Variants in ZNF678 observed in about 807,000 individuals in gnomAD.
ZNF678 encodes zinc finger protein 678.
Under a neutral mutation model 3.0 loss-of-function variants are expected in ZNF678, and 5 were observed. That is an observed-to-expected ratio of 1.69 (90% CI 0.88 to 3.56). The LOEUF (loss-of-function observed/expected upper bound fraction) is 3.56. ZNF678 is among the 30% of genes most tolerant of loss of function. The pLI, the probability that ZNF678 is intolerant of heterozygous loss-of-function variation, is 0.00. For synonymous variants in ZNF678, 218 were observed against 199.6 expected (o/e 1.09, Z -0.78); for missense variants, 593 against 605.0 (o/e 0.98, Z 0.21).
At chr1:227,676,852 C>G (rs373843018) in intron 5 of ZNF678, among the ~76,000 whole-genome samples, 34 of 152,206 alleles carry the variant, frequency 2.2e-4, no homozygotes, top group African/African-American at 7.9e-4. Flanking sequence ...GACATGAACT[C>G]ATCATTTTTT....
At chr1:227,642,231 C>A (rs1658839469) in intron 1 of ZNF678, among the ~76,000 whole-genome samples, 1 of 152,202 alleles carries the variant, frequency 6.6e-6, no homozygotes, top group Admixed American at 6.5e-5. Flanking sequence ...TGTGAGACAT[C>A]AACATAGACT....
intron 1 of ZNF678, among the ~76,000 whole-genome samples, chr1:227,570,371 A>G (rs12025815): frequency 0.52 from 79,452 of 152,152 alleles, 22,004 homozygotes; most frequent in Non-Finnish European, 0.62. Context: ...TTCTGTTACT[A>G]TGAAAAGTGG....
intron 5 of ZNF678, among the ~76,000 whole-genome samples, chr1:227,671,163 A>G (rs77388015): frequency 0.025 from 3,832 of 150,784 alleles, 168 homozygotes; most frequent in African/African-American, 0.089. Flanking sequence ...TGGAGCCTCA[A>G]ACTCCTGGGC....
chr1:227,677,871 G>A (rs1240977533), downstream of ZNF678, among the ~76,000 whole-genome samples: 1 of 152,110 alleles, frequency 6.6e-6, no homozygotes, highest in African/African-American at 2.4e-5. Context: ...TCTGTCCAAG[G>A]GCTCCCTGCC....
downstream of ZNF678, among the ~76,000 whole-genome samples, chr1:227,665,444 TG>T (rs561647219): frequency 1.1e-3 from 163 of 152,268 alleles, 2 homozygotes; most frequent in South Asian, 0.032. Flanking sequence ...ACAAAGACAA[TG>T]GGATATCACT....
At chr1:227,676,791 G>A (rs527290577) in intron 5 of ZNF678, among the ~76,000 whole-genome samples, 82 of 151,610 alleles carry the variant, frequency 5.4e-4, no homozygotes, top group African/African-American at 1.5e-3. Flanking sequence ...CTGTCCTTGC[G>A]ATAGTTTGCT....
intron 1 of ZNF678, among the ~76,000 whole-genome samples, chr1:227,568,502 A>G (rs951853979): frequency 1.3e-5 from 2 of 152,194 alleles, no homozygotes; most frequent in Admixed American, 6.5e-5. Flanking sequence ...AATTTCTTCA[A>G]TCACATGCAT....
At chr1:227,648,486 A>G (rs1459332780) in intron 2 of ZNF678, among the ~76,000 whole-genome samples, 2 of 152,208 alleles carry the variant, frequency 1.3e-5, no homozygotes, top group Non-Finnish European at 2.9e-5. Context: ...TTAAGCATAC[A>G]AGACATTATT....
chr1:227,585,913 A>T (rs1041222800), intron 1 of ZNF678, among the ~76,000 whole-genome samples: 2 of 152,240 alleles, frequency 1.3e-5, no homozygotes, highest in South Asian at 4.1e-4. Flanking sequence ...AACAGAAATG[A>T]TCACTAAATA....
In ZNF678 at chr1:227,654,839, A is replaced by G. The variant is rs760141090; in HGVS notation, c.589A>G (p.Thr197Ala). Reference sequence around the variant, plus strand: ...AGTTTTTAATTGGTGGTCACAACTAACTAGCCATAAGAAAATTCATAGTGG... The same window carrying G: ...AGTTTTTAATTGGTGGTCACAACTAGCTAGCCATAAGAAAATTCATAGTGG... ...DKVFNWWSQLTSHKKIHSGEK... is the reference protein window; with the variant it reads ...DKVFNWWSQLASHKKIHSGEK... The change falls in exon 4 of 4, where the codon ACT (threonine) becomes GCT (alanine). Residue 197 changes from threonine to alanine, a missense_variant. Physicochemically the swap from Thr to Ala is moderately conservative, Grantham distance 58. Coordinates refer to ENST00000343776, the MANE Select transcript of ZNF678 (RefSeq NM_001367909.1). 6.2e-7 allele frequency: 1 copy of G among 1,608,954 alleles called. No homozygotes were observed. The highest frequency in any genetic ancestry group is 8.5e-7 in the Non-Finnish European group (1 of 1,179,072).
intron 1 of ZNF678, among the ~76,000 whole-genome samples, chr1:227,640,135 G>A (rs183500049): frequency 3.9e-5 from 6 of 152,264 alleles, no homozygotes; most frequent in African/African-American, 1.4e-4. Flanking sequence ...GGGGGAAAGG[G>A]GATTGAGTTA....
chr1:227,678,253 T>A (rs977229281), downstream of ZNF678, among the ~76,000 whole-genome samples: 3 of 152,202 alleles, frequency 2.0e-5, no homozygotes, highest in Non-Finnish European at 4.4e-5. Flanking sequence ...TGGGATGACC[T>A]TGGGCACAGG....
At chr1:227,676,596 T>A (rs1659684725) in intron 5 of ZNF678, among the ~76,000 whole-genome samples, 1 of 152,148 alleles carries the variant, frequency 6.6e-6, no homozygotes, top group East Asian at 1.9e-4. Flanking sequence ...TATGTATACA[T>A]GTGCCATGTT....
chr1:227,594,753 T>G (rs969254678), intron 1 of ZNF678, among the ~76,000 whole-genome samples: 5 of 152,232 alleles, frequency 3.3e-5, no homozygotes, highest in African/African-American at 1.2e-4. Context: ...ACTTTCTGAC[T>G]TATTACAAAT....
At chr1:227,571,055 G>A (rs1656828297) in intron 1 of ZNF678, among the ~76,000 whole-genome samples, 1 of 152,088 alleles carries the variant, frequency 6.6e-6, no homozygotes, top group African/African-American at 2.4e-5. Flanking sequence ...ATTTAGAAAT[G>A]TGAGGCTATT....
At chr1:227,646,772 GT>G (rs1193772376) in intron 2 of ZNF678, 102 bp downstream of exon 2, 10 of 1,072,240 alleles carry the variant, frequency 9.3e-6, no homozygotes, top group Non-Finnish European at 1.1e-5. Flanking sequence ...GCATGAATGA[GT>G]TTTTGATCTC....
chr1:227,670,966 TA>T (rs1195091935), intron 5 of ZNF678, among the ~76,000 whole-genome samples: 16 of 139,328 alleles, frequency 1.1e-4, no homozygotes, highest in Non-Finnish European at 1.8e-4. Flanking sequence ...TGAGGCCTTT[TA>T]TTTTTTTTTT....
chr1:227,660,470 A>T lies in ZNF678; in HGVS notation c.*4642A>T, dbSNP rs1659374208. 1 of 151,960 alleles carries T rather than the reference A, an allele frequency of 6.6e-6. No homozygotes were observed. The highest frequency in any genetic ancestry group is 2.4e-5 in the African/African-American group (1 of 41,382). 9.4% of individuals were successfully genotyped at this position (151,960 alleles called of 1,614,324 possible). ...AACATTTTTGAATAATTTTATTTGG[A>T]AGTAAACTTTCTGTAACTATTGCAG... On this transcript the variant is annotated 3_prime_UTR_variant, in exon 4 of 4. Transcript: ENST00000343776.
chr1:227,635,085 C>CAA (rs71721953), intron 1 of ZNF678, among the ~76,000 whole-genome samples: 35,585 of 145,382 alleles, frequency 0.24, 5,581 homozygotes, highest in African/African-American at 0.45. Flanking sequence ...GCCTGGTAAT[C>CAA]AAAAAAAAAA....
Sources: allele counts gnomAD v4.1 joint callset (sites outside exome capture counted in the v4.1 genomes callset), GRCh38; gene constraint gnomAD v4.1.1; transcripts MANE v1.5; gene names NCBI Gene and HGNC (gene_info 2026-07-23, HGNC 2026-07-21).